Variants in NFYC observed in about 807,000 individuals in gnomAD.
NFYC encodes CAAT box DNA-binding protein subunit C.
A neutral mutation model predicts 53.1 loss-of-function variants in NFYC; 25 were observed. That is an observed-to-expected ratio of 0.47 (90% confidence interval 0.34 to 0.66). NFYC has a LOEUF of 0.66. Among genes scored for constraint, NFYC ranks in the 30% least tolerant of loss-of-function variants. The pLI is 0.01. For missense variants in NFYC, 260 were observed against 422.7 expected (o/e 0.62, Z 3.38); for synonymous variants, 145 against 152.6 (o/e 0.95, Z 0.37).
intron 1 of NFYC, among the ~76,000 whole-genome samples, chr1:40,727,504 T>C (rs1644570711): frequency 6.6e-6 from 1 of 151,408 alleles, no homozygotes; most frequent in Non-Finnish European, 1.5e-5. Flanking sequence ...ATTACAGGCC[T>C]GAGGCACTGT....
At chr1:40,727,955 C>T (rs6675886) in intron 1 of NFYC, among the ~76,000 whole-genome samples, 32,672 of 151,672 alleles carry the variant, frequency 0.22, 4,138 homozygotes, top group South Asian at 0.42. Context: ...GTTTTTATTT[C>T]TGAGACAGAG....
intron 6 of NFYC, among the ~76,000 whole-genome samples, 153 bp from the exon 7 acceptor site, chr1:40,762,734 CA>C (rs1224071243): frequency 1.3e-5 from 2 of 152,146 alleles, no homozygotes; most frequent in African/African-American, 4.8e-5. Context: ...GCTGTAAACC[CA>C]GAGGACTCTG....
At chr1:40,729,697 C>A (rs1033618251) in intron 1 of NFYC, among the ~76,000 whole-genome samples, 4 of 148,882 alleles carry the variant, frequency 2.7e-5, no homozygotes, top group Non-Finnish European at 4.4e-5. Context: ...TTTTTTTGAA[C>A]CGGAGTCTTG....
At chr1:40,714,939 G>C (rs1419578977) in intron 1 of NFYC, among the ~76,000 whole-genome samples, 3 of 152,028 alleles carry the variant, frequency 2.0e-5, no homozygotes, top group South Asian at 2.1e-4. Flanking sequence ...AATTAGCCGG[G>C]TGTGGTGGCG....
chr1:40,707,771 G>A (rs192963405), intron 1 of NFYC, among the ~76,000 whole-genome samples: 214 of 149,550 alleles, frequency 1.4e-3, no homozygotes, highest in African/African-American at 4.5e-3. Context: ...CCCAGGAGGC[G>A]GAGGCTGCAG....
At chr1:40,703,166 T>A (rs1441450025) in intron 1 of NFYC, among the ~76,000 whole-genome samples, 1 of 152,110 alleles carries the variant, frequency 6.6e-6, no homozygotes, top group Non-Finnish European at 1.5e-5. Flanking sequence ...ATAGAAAGAT[T>A]TGACATTAAA....
rs187709298 is a variant in NFYC at position 40,726,431 on chromosome 1, T to C, written c.-8-12405T>C. Among the ~76,000 whole-genome samples the C allele has an allele frequency of 8.6e-3, 1,294 of 150,336 alleles. 15 individuals are homozygous for C. The highest frequency in any genetic ancestry group is 0.03 in the African/African-American group (1,207 of 40,800). On this transcript the variant is annotated intron_variant, in intron 1 of 9. Transcript: ENST00000447388. ...CCGCATCTGGCCTGTTTTTTTTTTT[T>C]CCTCTCTCCACACTGTCACCCAGGC...
chr1:40,769,519 TA>T, intron 9 of NFYC, 104 bp downstream of exon 9: 1 of 894,494 alleles, frequency 1.1e-6, no homozygotes, highest in South Asian at 1.4e-5. Context: ...TGTCCTCTAC[TA>T]ACAGTGAGTG....
chr1:40,697,544 ACTT>A (rs1204982672), intron 1 of NFYC, among the ~76,000 whole-genome samples: 1 of 152,158 alleles, frequency 6.6e-6, no homozygotes, highest in East Asian at 1.9e-4. Flanking sequence ...TGCGATGAAA[ACTT>A]CTTCATATTT....
chr1:40,757,829 T>C, intron 5 of NFYC: 2 of 495,172 alleles, frequency 4.0e-6, no homozygotes, highest in Non-Finnish European at 7.4e-6. Flanking sequence ...TGGTGTGTGG[T>C]TTTTAGTTAC....
At chr1:40,722,031 CGTG>C (rs1333168739) in intron 1 of NFYC, among the ~76,000 whole-genome samples, 1 of 152,050 alleles carries the variant, frequency 6.6e-6, no homozygotes, top group African/African-American at 2.4e-5. Context: ...GTTAGCCAGG[CGTG>C]GTGGTGGGCA....
At chr1:40,750,443 A>G (rs1361921992) in intron 4 of NFYC, among the ~76,000 whole-genome samples, 1 of 152,244 alleles carries the variant, frequency 6.6e-6, no homozygotes, top group African/African-American at 2.4e-5. Flanking sequence ...AACACCCACA[A>G]TGTGCCGGGC....
At chr1:40,742,837 T>C (rs1645422965) in intron 2 of NFYC, among the ~76,000 whole-genome samples, 1 of 152,072 alleles carries the variant, frequency 6.6e-6, no homozygotes, top group Admixed American at 6.6e-5. Context: ...TTCTCAGGAG[T>C]GCAACACGTG....
intron 1 of NFYC, chr1:40,692,417 G>C (rs1642873107): frequency 6.5e-6 from 1 of 152,914 alleles, no homozygotes; most frequent in Non-Finnish European, 1.5e-5. Flanking sequence ...GCTTTTCCTG[G>C]TACATGCATG....
intron 1 of NFYC, among the ~76,000 whole-genome samples, chr1:40,710,158 G>A (rs1474358764): frequency 1.3e-5 from 2 of 152,210 alleles, no homozygotes; most frequent in African/African-American, 4.8e-5. Flanking sequence ...ATTCTAATAA[G>A]TAGTAGTTAA....
At chr1:40,766,531 A>C in intron 7 of NFYC, 65 bp from the exon 8 acceptor site, 1 of 1,226,452 alleles carries the variant, frequency 8.2e-7, no homozygotes, top group Non-Finnish European at 1.2e-6. Flanking sequence ...CTGGTCATGG[A>C]AAGTTTGCCT....
At chr1:40,739,516 A>G (rs1645227426) in intron 2 of NFYC, among the ~76,000 whole-genome samples, 2 of 152,178 alleles carry the variant, frequency 1.3e-5, no homozygotes, top group South Asian at 4.1e-4. Flanking sequence ...TCTACTCACT[A>G]GATGCCAGTA....
chr1:40,724,297 G>A (rs1049289828), intron 1 of NFYC, among the ~76,000 whole-genome samples: 2 of 152,138 alleles, frequency 1.3e-5, no homozygotes, highest in African/African-American at 4.8e-5. Flanking sequence ...GAACCCGGGA[G>A]GTGGAGGTTG....
At chr1:40,747,290 A>G (rs2274957) in intron 2 of NFYC, among the ~76,000 whole-genome samples, 32,452 of 148,734 alleles carry the variant, frequency 0.22, 4,132 homozygotes, top group South Asian at 0.42. Context: ...GTTTCATGAG[A>G]GCACTGTTAG....
Sources: gnomAD v4.1 joint callset for allele counts (sites outside exome capture counted in the v4.1 genomes callset) on GRCh38, gnomAD v4.1.1 for gene constraint, MANE v1.5 for transcripts, NCBI Gene and HGNC (gene_info 2026-07-23, HGNC 2026-07-21) for gene names.